The following CWH43 variants were observed in gnomAD, a reference collection of about 807,000 sequenced individuals.
The protein encoded by CWH43 is PGAP2-interacting protein.
In CWH43, 91 loss-of-function variants were observed where a neutral mutation model predicts 85.7. The observed-to-expected ratio is 1.06, with a 90% CI of 0.90 to 1.26. The LOEUF (loss-of-function observed/expected upper bound fraction) is 1.26, where lower values mean the gene tolerates loss of function less well. Among genes scored for constraint, CWH43 ranks in the 50% most tolerant of loss-of-function variants. CWH43 has a pLI of 0.00. For missense variants in CWH43, 869 were observed against 839.2 expected (o/e 1.04, Z -0.44); for synonymous variants, 323 against 293.6 (o/e 1.10, Z -1.02).
intron 8 of CWH43, among the ~76,000 whole-genome samples, chr4:49,009,132 G>A (rs1783265059): frequency 6.6e-6 from 1 of 152,086 alleles, no homozygotes; most frequent in Admixed American, 6.6e-5. Flanking sequence ...CCATTTGTTT[G>A]TGTCCTCTTT....
chr4:49,008,488 C>T (rs1783242065), intron 8 of CWH43, among the ~76,000 whole-genome samples: 1 of 152,174 alleles, frequency 6.6e-6, no homozygotes, highest in African/African-American at 2.4e-5. Flanking sequence ...AATTAGATCC[C>T]ATTTGTCAAT....
In CWH43 at chr4:49,032,613, T is replaced by G; in HGVS notation, c.1556T>G (p.Leu519Arg). ...RYPIVKSEHH[L>R]LPSPEGEIAP... ...CCAATTGTGAAATCTGAGCATCACC[T>G]TCTTCCGTCACCAGAGGGCGAGATC... The change falls in exon 12 of 16, where the codon CTT becomes CGT. Residue 519 changes from leucine to arginine, a missense_variant. Physicochemically the swap from Leu to Arg is moderately radical, Grantham distance 102 (BLOSUM62 -2). Transcript: ENST00000226432. 1 of 1,614,090 alleles carries G rather than the reference T, an allele frequency of 6.2e-7. No individual in the cohort carries two copies. The highest frequency in any genetic ancestry group is 8.5e-7 in the Non-Finnish European group (1 of 1,179,942).
At chr4:49,002,136 T>C (rs1220179938) in intron 6 of CWH43, among the ~76,000 whole-genome samples, 3 of 152,056 alleles carry the variant, frequency 2.0e-5, no homozygotes, top group Non-Finnish European at 4.4e-5. Context: ...AAGCAACTGG[T>C]CACAAGTCAT....
chr4:49,028,662 C>A lies in CWH43; in HGVS notation c.1300C>A (p.Pro434Thr). Residue 434 changes from proline to threonine, a missense_variant, in exon 10 of 16, where the codon CCT (proline) becomes ACT (threonine). Around this residue, in one of 3 missense-constraint regions of CWH43, gnomAD observed 577 missense variants for 513.1 expected, o/e 1.12. Coordinates refer to ENST00000226432, the MANE Select transcript of CWH43 (RefSeq NM_025087.3). ...CAAAGAGGTCTCTGCTGCCATCTGGCCTTTCAGGTTTGGATATGACAATGA... is the reference window on the plus strand; with the variant it reads ...CAAAGAGGTCTCTGCTGCCATCTGGACTTTCAGGTTTGGATATGACAATGA... The part of the protein sequence containing the change: ...PTKEVSAAIW[P>T]FRFGYDNEGW... The A allele has an allele frequency of 1.2e-6, 2 of 1,613,648 alleles. No individual in the cohort carries two copies. Among genetic ancestry groups the A allele is most frequent in the Admixed American group, 1.7e-5 (1 of 59,986 alleles).
chr4:49,042,253 G>C lies in CWH43; in HGVS notation c.1804-2533G>C, dbSNP rs538165044. Among the ~76,000 whole-genome samples, 56 of 152,196 alleles carry C rather than the reference G, an allele frequency of 3.7e-4. No individual in the cohort carries two copies. The South Asian group carries it at 0.011, about 30-fold the overall frequency. On this transcript the variant is annotated intron_variant, in intron 13 of 15. Coordinates refer to ENST00000226432, the MANE Select transcript of CWH43 (RefSeq NM_025087.3). Reference sequence around the variant, plus strand: ...CCGGGTTCCTCACCATGGGCTACTTGGGCCTCCTCTCTGCCTTGCAGCTGA... The same window carrying C: ...CCGGGTTCCTCACCATGGGCTACTTCGGCCTCCTCTCTGCCTTGCAGCTGA...
At chr4:49,037,692 AT>A (rs1000836841) in intron 12 of CWH43, among the ~76,000 whole-genome samples, 2 of 152,174 alleles carry the variant, frequency 1.3e-5, no homozygotes, top group African/African-American at 4.8e-5. Flanking sequence ...TAAACTACTA[AT>A]TCTTTAGCTG....
At chr4:49,015,357 C>T (rs1783513607) in intron 8 of CWH43, among the ~76,000 whole-genome samples, 1 of 149,606 alleles carries the variant, frequency 6.7e-6, no homozygotes, top group Non-Finnish European at 1.5e-5. Context: ...GGTTGTTTTT[C>T]TCTTAGCACA....
chr4:48,989,520 C>T (rs1195277852), intron 2 of CWH43, among the ~76,000 whole-genome samples: 1 of 152,204 alleles, frequency 6.6e-6, no homozygotes, highest in African/African-American at 2.4e-5. Context: ...TGACATTTCA[C>T]TAGGATGTTG....
intron 8 of CWH43, 66 bp downstream of exon 8, chr4:49,007,392 G>A: frequency 7.1e-7 from 1 of 1,414,658 alleles, no homozygotes; most frequent in Admixed American, 2.7e-5. Flanking sequence ...TGAAATTAAA[G>A]AGTATAATGA....
intron 8 of CWH43, among the ~76,000 whole-genome samples, chr4:49,014,974 C>T (rs755832131): frequency 1.3e-5 from 2 of 152,174 alleles, no homozygotes; most frequent in Non-Finnish European, 2.9e-5. Flanking sequence ...ATAGATCCCT[C>T]AGTGCGGTAT....
chr4:49,044,786 G>T lies in CWH43; in HGVS notation c.1804G>T (p.Asp602Tyr). 1 of 1,612,118 alleles carries T rather than the reference G, an allele frequency of 6.2e-7. No individual in the cohort carries two copies. The highest frequency in any genetic ancestry group is 1.1e-5 in the South Asian group (1 of 90,856). ...LQLTEHGNVK[D>Y]IDSTDHDRWC... The stretch of plus-strand genomic sequence containing the variant: ...CATTCTCCTCTCTGCTCTTTATTAG[G>T]ATATCGACAGCACTGATCATGACAG... Residue 602 changes from aspartate to tyrosine, a missense_variant and splice_region_variant, in exon 14 of 16, where the codon GAT becomes TAT. Physicochemically the swap from Asp to Tyr is radical, Grantham distance 160. Around this residue, in one of 3 missense-constraint regions of CWH43, gnomAD observed 577 missense variants for 513.1 expected, o/e 1.12. Coordinates refer to ENST00000226432, the MANE Select transcript of CWH43 (RefSeq NM_025087.3).
Position 49,042,335 on chromosome 4 carries a change from C to A in CWH43, c.1804-2451C>A, listed in dbSNP as rs148416826. Among the ~76,000 whole-genome samples the A allele has an allele frequency of 1.9e-3, 283 of 152,308 alleles. 2 individuals carry two copies. Among genetic ancestry groups the A allele is most frequent in the African/African-American group, 6.4e-3 (265 of 41,566 alleles). On this transcript the variant is annotated intron_variant, in intron 13 of 15. Coordinates refer to ENST00000226432, the MANE Select transcript of CWH43 (RefSeq NM_025087.3). Reference sequence around the variant, plus strand: ...AAAAAGCCTGTATTGCCTTGTATAACTTAGCCTTGGAGCCACAGATGGATC... The same window carrying A: ...AAAAAGCCTGTATTGCCTTGTATAAATTAGCCTTGGAGCCACAGATGGATC...
intron 13 of CWH43, among the ~76,000 whole-genome samples, chr4:49,038,510 A>G (rs1438702819): frequency 6.6e-6 from 1 of 152,186 alleles, no homozygotes; most frequent in Non-Finnish European, 1.5e-5. Flanking sequence ...GTTCCTCGCC[A>G]TGGGCTACTT....
chr4:49,000,791 T>G (rs1305509993), intron 6 of CWH43, among the ~76,000 whole-genome samples: 1 of 151,864 alleles, frequency 6.6e-6, no homozygotes, highest in East Asian at 1.9e-4. Flanking sequence ...GAGTCAAACC[T>G]AATCTAGTTT....
intron 7 of CWH43, among the ~76,000 whole-genome samples, chr4:49,005,961 A>C (rs1379926922): frequency 6.6e-6 from 1 of 152,198 alleles, no homozygotes; most frequent in African/African-American, 2.4e-5. Flanking sequence ...AAATTACATG[A>C]AATATTTTTG....
At chr4:49,014,289 C>CA (rs1470029584) in intron 8 of CWH43, among the ~76,000 whole-genome samples, 28 of 152,060 alleles carry the variant, frequency 1.8e-4, no homozygotes, top group Admixed American at 1.7e-3. Flanking sequence ...CCCATCTCTA[C>CA]AAAAAATTTA....
chr4:48,986,717 C>A, intron 1 of CWH43: 5 of 1,348,904 alleles, frequency 3.7e-6, no homozygotes, highest in Non-Finnish European at 3.8e-6. Context: ...GCCCGAGTTC[C>A]CAGCAGCCCT....
intron 7 of CWH43, among the ~76,000 whole-genome samples, chr4:49,005,990 G>C (rs1363646016): frequency 6.6e-6 from 1 of 152,080 alleles, no homozygotes; most frequent in African/African-American, 2.4e-5. Flanking sequence ...TGGAGAATTT[G>C]GTATTTCTGG....
At chr4:49,011,046 T>C (rs933483946) in intron 8 of CWH43, among the ~76,000 whole-genome samples, 2 of 152,202 alleles carry the variant, frequency 1.3e-5, no homozygotes, top group Non-Finnish European at 2.9e-5. Context: ...ACCTTCTGTC[T>C]CATTGATATG....
Sources: gnomAD v4.1 joint callset for allele counts (sites outside exome capture counted in the v4.1 genomes callset) on GRCh38, gnomAD v4.1.1 for gene constraint, gnomAD v4.1.1 regional missense constraint, MANE v1.5 for transcripts, NCBI Gene and HGNC (gene_info 2026-07-23, HGNC 2026-07-21) for gene names.